Variants in CCM2 observed in about 807,000 individuals in gnomAD.
CCM2 encodes the protein CCM2 scaffold protein, also known as cerebral cavernous malformations 2 protein.
CCM2 carries 25 observed loss-of-function variants against 44.9 expected under a neutral mutation model. The ratio of observed to expected loss-of-function variants is 0.56; its 90% confidence interval spans 0.41 to 0.78. The LOEUF (loss-of-function observed/expected upper bound fraction) is 0.78. Among genes scored for constraint, CCM2 ranks in the 30% least tolerant of loss-of-function variants. The pLI is 0.00. For missense variants in CCM2, 481 were observed against 580.6 expected (o/e 0.83, Z 1.76); for synonymous variants, 219 against 241.1 (o/e 0.91, Z 0.85).
chr7:45,044,034 T>C lies in CCM2; in HGVS notation c.204+5608T>C, dbSNP rs147100490. 5.0e-3 allele frequency among the ~76,000 whole-genome samples: 758 copies of C among 152,362 alleles called. 13 individuals are homozygous for C. The East Asian group carries it at 0.06, about 12-fold the overall frequency. Reference sequence around the variant, plus strand: ...TCTTCTCCCTCCAGAATTAGTTGTTTAGTTTGTGATCTTGCCTTTCCAGTG... The same window carrying C: ...TCTTCTCCCTCCAGAATTAGTTGTTCAGTTTGTGATCTTGCCTTTCCAGTG... On this transcript the variant is annotated intron_variant, in intron 2 of 9. Coordinates refer to ENST00000258781, the MANE Select transcript of CCM2 (RefSeq NM_031443.4).
At chr7:45,043,619 A>G in intron 2 of CCM2, 2 of 335,498 alleles carry the variant, frequency 6.0e-6, no homozygotes. Context: ...ATGGGGTGAG[A>G]CTCCATCCCA....
chr7:45,065,640 G>T (rs555337402), intron 4 of CCM2, among the ~76,000 whole-genome samples: 5 of 152,246 alleles, frequency 3.3e-5, no homozygotes. Flanking sequence ...CTGAAAGCCT[G>T]TGAGTCTAGA....
intron 1 of CCM2, among the ~76,000 whole-genome samples, chr7:45,036,969 T>C (rs923598275): frequency 2.6e-5 from 4 of 152,168 alleles, no homozygotes; most frequent in African/African-American, 9.7e-5. Context: ...TTGAGAGTTA[T>C]GGAGGAGATG....
intron 1 of CCM2, among the ~76,000 whole-genome samples, chr7:45,008,226 G>C (rs181261757): frequency 6.6e-6 from 1 of 152,004 alleles, no homozygotes; most frequent in Non-Finnish European, 1.5e-5. Flanking sequence ...TTTTGGTAGA[G>C]ATGGGGTTTC....
At chr7:45,043,747 A>G (rs572502683) in intron 2 of CCM2, 247 of 393,728 alleles carry the variant, frequency 6.3e-4, no homozygotes, top group African/African-American at 5.0e-3. Context: ...TTTATTTTTC[A>G]TGCCCTTTCA....
chr7:45,067,543 G>A (rs543034051), intron 4 of CCM2: 25 of 152,242 alleles, frequency 1.6e-4, no homozygotes, highest in African/African-American at 5.1e-4. Flanking sequence ...TATAAAAATC[G>A]TTGAGCTACA....
At chr7:45,037,418 C>CTTTTTTT (rs11424221) in intron 1 of CCM2, among the ~76,000 whole-genome samples, 6 of 112,092 alleles carry the variant, frequency 5.4e-5, no homozygotes, top group Non-Finnish European at 6.8e-5. Flanking sequence ...TCTCCCCCTA[C>CTTTTTTT]TTTTTTTTTT....
chr7:45,072,114 G>A, intron 6 of CCM2: 1 of 347,610 alleles, frequency 2.9e-6, no homozygotes, highest in Non-Finnish European at 5.6e-6. Context: ...CTGTGCTGGT[G>A]TGAAATGTGC....
At chr7:45,047,268 A>G (rs887970041) in intron 2 of CCM2, among the ~76,000 whole-genome samples, 5 of 152,220 alleles carry the variant, frequency 3.3e-5, no homozygotes, top group African/African-American at 1.2e-4. Context: ...GCCTACTAAT[A>G]TTCAAAACAG....
chr7:45,065,789 C>T (rs1197416533), intron 4 of CCM2, among the ~76,000 whole-genome samples: 6 of 150,812 alleles, frequency 4.0e-5, no homozygotes, highest in Non-Finnish European at 8.9e-5. Context: ...ACACACCACA[C>T]CTACACACAT....
Position 45,063,956 on chromosome 7 carries a change from T to A in CCM2, c.243T>A (p.Asn81Lys). 1 of 1,613,304 alleles carries A rather than the reference T, an allele frequency of 6.2e-7. No individual in the cohort carries two copies. Among genetic ancestry groups the A allele is most frequent in the Non-Finnish European group, 8.5e-7 (1 of 1,179,408 alleles). ...GQLTSIPGYL[N>K]PSSRTEILHF... is the part of the protein sequence containing the mutation. ...TAACGTCCATACCAGGATACCTGAATCCCTCCAGTAGGACTGAAATCCTGC... is the reference window on the plus strand; with the variant it reads ...TAACGTCCATACCAGGATACCTGAAACCCTCCAGTAGGACTGAAATCCTGC... The change falls in exon 3 of 10, where the codon AAT (asparagine) becomes AAA (lysine). Residue 81 changes from asparagine (N) to lysine (K), a missense_variant. Physicochemically the swap from Asn to Lys is moderately conservative, Grantham distance 94. Transcript: ENST00000258781.
Position 45,066,575 on chromosome 7 carries a change from C to A in CCM2, c.473-1868C>A, listed in dbSNP as rs76625184. On this transcript the variant is annotated intron_variant, in intron 4 of 9. Coordinates refer to ENST00000258781, the MANE Select transcript of CCM2 (RefSeq NM_031443.4). The stretch of plus-strand genomic sequence containing the variant: ...TGTGCCTCTTTGGACCAAAAGTACG[C>A]TGGTATTTGGGATAGCACAGGAGTG... Among the ~76,000 whole-genome samples the A allele has an allele frequency of 1.9e-3, 282 of 152,312 alleles. 1 individual carries two copies. Among genetic ancestry groups the A allele is most frequent in the African/African-American group, 6.0e-3 (251 of 41,576 alleles).
chr7:45,025,221 ATAAT>A (rs1796636477), intron 1 of CCM2, among the ~76,000 whole-genome samples: 1 of 152,216 alleles, frequency 6.6e-6, no homozygotes, highest in Non-Finnish European at 1.5e-5. Context: ...TCAAGGTATA[ATAAT>A]TGAGTACAAT....
chr7:45,060,033 C>T (rs940430535), intron 2 of CCM2, among the ~76,000 whole-genome samples: 3 of 152,100 alleles, frequency 2.0e-5, no homozygotes, highest in Non-Finnish European at 4.4e-5. Flanking sequence ...TTAATTTTAC[C>T]TACATTTATT....
rs554903380 is a variant in CCM2 at position 45,016,586 on chromosome 7, TC to T, written c.30+16226del. ...CTCAGGTGATCCACCCGCCTCAGCC[TC>T]CCAAAGTGCTGGATTACAGGCATGA... On this transcript the variant is annotated intron_variant, in intron 1 of 9. Coordinates refer to ENST00000258781, the MANE Select transcript of CCM2 (RefSeq NM_031443.4). 2.9e-3 allele frequency among the ~76,000 whole-genome samples: 436 copies of T among 151,448 alleles called. 3 individuals are homozygous for T. Among genetic ancestry groups the T allele is most frequent in the African/African-American group, 9.9e-3 (408 of 41,310 alleles).
chr7:45,019,011 C>T (rs1390957584), intron 1 of CCM2, among the ~76,000 whole-genome samples: 7 of 149,754 alleles, frequency 4.7e-5, no homozygotes, highest in Non-Finnish European at 1.0e-4. Flanking sequence ...CTGCCTGCCT[C>T]GGCCTCCCAA....
At chr7:45,034,667 CGCCACCACACCCA>C (rs1418413497) in intron 1 of CCM2, among the ~76,000 whole-genome samples, 3 of 139,942 alleles carry the variant, frequency 2.1e-5, no homozygotes, top group African/African-American at 8.0e-5. Context: ...TACAGGCGCC[CGCCACCACACCCA>C]GCTAATTTTT....
intron 1 of CCM2, among the ~76,000 whole-genome samples, chr7:45,029,738 G>A (rs1364715711): frequency 1.3e-5 from 2 of 152,188 alleles, no homozygotes; most frequent in Admixed American, 6.5e-5. Context: ...CTCAAGACCC[G>A]CAGTTGGCAT....
chr7:45,027,646 T>A lies in CCM2; in HGVS notation c.31-10607T>A, dbSNP rs527794718. 1.9e-6 allele frequency: 3 copies of A among 1,613,832 alleles called. No individual in the cohort carries two copies. In the Admixed American group the frequency reaches 5.0e-5, roughly 27 times the overall value. On this transcript the variant is annotated intron_variant, in intron 1 of 9. Coordinates refer to ENST00000258781, the MANE Select transcript of CCM2 (RefSeq NM_031443.4). ...GGTCTTCCTGTTCAGTCATGTTTTT[T>A]TCAGAGGGAGGGCTAACATCTGGCC... is the stretch of plus-strand genomic sequence containing the variant.
Sources: gnomAD v4.1 joint callset for allele counts (sites outside exome capture counted in the v4.1 genomes callset) on GRCh38, gnomAD v4.1.1 for gene constraint, MANE v1.5 for transcripts, NCBI Gene and HGNC (gene_info 2026-07-23, HGNC 2026-07-21) for gene names.